The following SPATS1 variants were observed in gnomAD, a reference collection of about 807,000 sequenced individuals.
SPATS1 encodes spermatogenesis-associated serine-rich protein 1.
Under a neutral mutation model 33.6 loss-of-function variants are expected in SPATS1, and 23 were observed. The observed-to-expected ratio is 0.68, with a 90% CI of 0.49 to 0.97. The LOEUF (loss-of-function observed/expected upper bound fraction) is 0.97. Ranked by LOEUF, SPATS1 falls within the 50% of genes least tolerant of loss-of-function variation. The probability of loss-of-function intolerance (pLI) is 0.00; values close to 1 mark genes in which losing one functional copy is unlikely to be tolerated. For synonymous variants in SPATS1, 131 were observed against 125.6 expected (o/e 1.04, Z -0.29); for missense variants, 327 against 361.0 (o/e 0.91, Z 0.76).
intron 2 of SPATS1, among the ~76,000 whole-genome samples, chr6:44,349,908 T>C (rs969541076): frequency 3.9e-5 from 6 of 152,056 alleles, no homozygotes; most frequent in Admixed American, 3.9e-4. Flanking sequence ...GGTCAGAGAG[T>C]GTGGTCTATG....
chr6:44,370,222 T>C (rs1789519411), intron 7 of SPATS1, 109 bp downstream of exon 7: 2 of 1,009,334 alleles, frequency 2.0e-6, no homozygotes, highest in African/African-American at 1.6e-5. Context: ...CAGGGCCCTT[T>C]TGAATCCCAG....
chr6:44,355,862 G>A (rs534958345), intron 3 of SPATS1, among the ~76,000 whole-genome samples: 7 of 152,254 alleles, frequency 4.6e-5, no homozygotes, highest in African/African-American at 7.2e-5. Flanking sequence ...AAGAAAGCCC[G>A]GAATGTGAGG....
At chr6:44,352,932 A>G in intron 3 of SPATS1, 59 bp downstream of exon 3, 1 of 1,570,862 alleles carries the variant, frequency 6.4e-7, no homozygotes, top group Non-Finnish European at 8.7e-7. Context: ...CAAGAAGCCA[A>G]TAGTCTGAGA....
intron 7 of SPATS1, among the ~76,000 whole-genome samples, chr6:44,373,776 T>C (rs1789769851): frequency 6.6e-6 from 1 of 152,226 alleles, no homozygotes; most frequent in East Asian, 1.9e-4. Context: ...AAAAGGTCCC[T>C]ATAATGTGCA....
At chr6:44,356,076 T>G (rs1398420721) in intron 3 of SPATS1, among the ~76,000 whole-genome samples, 2 of 152,146 alleles carry the variant, frequency 1.3e-5, no homozygotes, top group African/African-American at 4.8e-5. Context: ...TTTCCAGATA[T>G]CTCCACCTGA....
intron 3 of SPATS1, among the ~76,000 whole-genome samples, chr6:44,355,267 C>G (rs1284174735): frequency 6.6e-6 from 1 of 151,054 alleles, no homozygotes; most frequent in African/African-American, 2.4e-5. Context: ...AGTATATACC[C>G]TTTTCAGATT....
At chr6:44,357,552 T>G (rs1345833613) in intron 3 of SPATS1, among the ~76,000 whole-genome samples, 1 of 152,116 alleles carries the variant, frequency 6.6e-6, no homozygotes, top group Non-Finnish European at 1.5e-5. Context: ...CTGGCTAATT[T>G]TGTATTTTCA....
chr6:44,378,639 T>C lies in SPATS1; in HGVS notation c.*1576T>C, dbSNP rs1790075871. 1 of 152,128 alleles carries C rather than the reference T, an allele frequency of 6.6e-6. No homozygotes were observed. Among genetic ancestry groups the C allele is most frequent in the Non-Finnish European group, 1.5e-5 (1 of 68,108 alleles). 9.4% of individuals were successfully genotyped at this position (152,128 alleles called of 1,614,324 possible). A position where few individuals can be genotyped will look rare whatever the true frequency, so the allele number is the denominator to read the frequency against. ...CACAAAAATTAGCCAGGCAAGATGG[T>C]GGGCACCTGTAATCCCTGGTACTCG... On this transcript the variant is annotated 3_prime_UTR_variant, in exon 9 of 9. Transcript: ENST00000674044.
At position 44,363,630 on chromosome 6, in the gene SPATS1, TTTTC is replaced by T. The variant is rs1257870990; in HGVS notation, c.574+1647_574+1650del. On this transcript the variant is annotated intron_variant, in intron 5 of 8. Coordinates refer to ENST00000674044, the MANE Select transcript of SPATS1 (RefSeq NM_001372081.1). ...TTTCTTTCTTCTCCTTTCCTCTTCT[TTTTC>T]TTTCTTTCCTTCCTTCCTTCCCTCC... 3.7e-3 allele frequency among the ~76,000 whole-genome samples: 413 copies of T among 111,098 alleles called. 3 individuals carry two copies. The highest frequency in any genetic ancestry group is 0.013 in the African/African-American group (363 of 27,100). The allele number at this position is 111,098 out of a possible 152,430, so 72.9% of individuals were successfully genotyped here.
In SPATS1 at chr6:44,377,142, G is replaced by A; in HGVS notation, c.*79G>A. The stretch of plus-strand genomic sequence containing the variant: ...AGTTGATGTTTTTTGTCATGTGACT[G>A]TTCTAAATCCAGTGTTTGACCCTTA... On this transcript the variant is annotated 3_prime_UTR_variant, in exon 9 of 9. Coordinates refer to ENST00000674044, the MANE Select transcript of SPATS1 (RefSeq NM_001372081.1). 6.4e-7 allele frequency: 1 copy of A among 1,550,680 alleles called. No homozygotes were observed. Among genetic ancestry groups the A allele is most frequent in the Non-Finnish European group, 8.9e-7 (1 of 1,122,474 alleles).
At chr6:44,349,173 C>T (rs1788084724) in intron 2 of SPATS1, among the ~76,000 whole-genome samples, 1 of 151,302 alleles carries the variant, frequency 6.6e-6, no homozygotes, top group Non-Finnish European at 1.5e-5. Flanking sequence ...GTGGCATGCA[C>T]CTGTAATCCC....
rs777911175 is a variant in SPATS1, at chr6:44,352,868, C to G, written c.282C>G (p.Tyr94Ter). ...EPPGLPRVSA[Y>*]VDTTADLDRK... ...CTGGCCTCCCCAGAGTGTCTGCTTACGTAGAGTAAGTAAGGGTCTGGTGCA... is the reference window on the plus strand; with the variant it reads ...CTGGCCTCCCCAGAGTGTCTGCTTAGGTAGAGTAAGTAAGGGTCTGGTGCA... Residue 94 changes from tyrosine (Y) to a stop codon, truncating the protein, a stop_gained, in exon 3 of 9, where the codon TAC becomes TAG. Coordinates refer to ENST00000674044, the MANE Select transcript of SPATS1 (RefSeq NM_001372081.1). LOFTEE classifies it high-confidence loss of function. 6.2e-7 allele frequency: 1 copy of G among 1,613,820 alleles called. No homozygotes were observed. The highest frequency in any genetic ancestry group is 1.3e-5 in the African/African-American group (1 of 74,884).
intron 7 of SPATS1, among the ~76,000 whole-genome samples, chr6:44,374,826 T>C (rs747170222): frequency 1.3e-5 from 2 of 152,232 alleles, no homozygotes; most frequent in Non-Finnish European, 2.9e-5. Context: ...CCTGCTTTTC[T>C]TATTTGGGTT....
At chr6:44,347,684 T>G (rs1027206541) in intron 2 of SPATS1, among the ~76,000 whole-genome samples, 1 of 152,226 alleles carries the variant, frequency 6.6e-6, no homozygotes, top group Admixed American at 6.5e-5. Context: ...AATTTTATTT[T>G]TATTCCAAAT....
At chr6:44,357,740 G>C (rs982257355) in intron 3 of SPATS1, among the ~76,000 whole-genome samples, 1 of 152,244 alleles carries the variant, frequency 6.6e-6, no homozygotes, top group Admixed American at 6.5e-5. Context: ...TCCCCGGCTG[G>C]TCTCGAACTC....
intron 7 of SPATS1, among the ~76,000 whole-genome samples, chr6:44,372,453 TTTTA>T (rs1225101130): frequency 4.0e-5 from 6 of 149,814 alleles, no homozygotes; most frequent in East Asian, 2.2e-4. Flanking sequence ...TTTTATTTTA[TTTTA>T]TTTTTTATTT....
chr6:44,367,887 AGGAAG>A (rs1789344852), intron 5 of SPATS1, among the ~76,000 whole-genome samples: 3 of 152,108 alleles, frequency 2.0e-5, no homozygotes, highest in African/African-American at 7.2e-5. Context: ...GCTCTTCTCC[AGGAAG>A]CCACCTCCCA....
In SPATS1 at chr6:44,379,531, C is replaced by A. The variant is rs1296844523; in HGVS notation, c.*2468C>A. On this transcript the variant is annotated 3_prime_UTR_variant, in exon 9 of 9. Transcript: ENST00000674044. Reference sequence around the variant, plus strand: ...AGGAGAATGGTGTCAACCTGGGAGGCGGAGCTTGCAGTGACCCAAGATTGT... The same window carrying A: ...AGGAGAATGGTGTCAACCTGGGAGGAGGAGCTTGCAGTGACCCAAGATTGT... Among the ~76,000 whole-genome samples the A allele has an allele frequency of 7.9e-6, 1 of 126,220 alleles. No homozygotes were observed. The highest frequency in any genetic ancestry group is 9.8e-5 in the Admixed American group (1 of 10,204). The allele number at this position is 126,220 out of a possible 152,430, so 82.8% of individuals were successfully genotyped here.
rs1241794297 is a variant in SPATS1 at position 44,378,752 on chromosome 6, CAA to C, written c.*1690_*1691del. 1 of 152,622 alleles carries C rather than the reference CAA, an allele frequency of 6.6e-6. No individual in the cohort carries two copies. The highest frequency in any genetic ancestry group is 2.4e-5 in the African/African-American group (1 of 41,422). 9.5% of individuals were successfully genotyped at this position (152,622 alleles called of 1,614,324 possible). On this transcript the variant is annotated 3_prime_UTR_variant, in exon 9 of 9. Coordinates refer to ENST00000674044, the MANE Select transcript of SPATS1 (RefSeq NM_001372081.1). ...TGCCATTGCACTCCAGCCTGGGCGA[CAA>C]GAGCGAAACTCCATCCCAAAAACAA... is the stretch of plus-strand genomic sequence containing the variant.
Sources: allele counts gnomAD v4.1 joint callset (sites outside exome capture counted in the v4.1 genomes callset), GRCh38; gene constraint gnomAD v4.1.1; transcripts MANE v1.5; gene names NCBI Gene and HGNC (gene_info 2026-07-23, HGNC 2026-07-21).